The following CTCF variants were observed in gnomAD, a reference collection of about 807,000 sequenced individuals.
The protein encoded by CTCF is CCCTC-binding factor, also known as transcriptional repressor CTCF.
Under a neutral mutation model 72.3 loss-of-function variants are expected in CTCF, and 7 were observed. The observed-to-expected ratio is 0.10, with a 90% CI of 0.06 to 0.18. CTCF has a LOEUF of 0.18. CTCF is among the 10% of genes least tolerant of loss of function. CTCF has a pLI of 1.00. For synonymous variants in CTCF, 374 were observed against 315.8 expected, an observed-to-expected ratio of 1.18 and a Z score of -1.95; for missense variants, 516 against 949.1, an observed-to-expected ratio of 0.54 and a Z score of 6.00.
At chr16:67,617,275 G>C (rs937336490) in intron 5 of CTCF, among the ~76,000 whole-genome samples, 1 of 152,102 alleles carries the variant, frequency 6.6e-6, no homozygotes, top group East Asian at 1.9e-4. Flanking sequence ...TGAGGTGGGT[G>C]GATCACAAGG....
intron 2 of CTCF, among the ~76,000 whole-genome samples, chr16:67,598,193 G>T (rs747824027): frequency 6.6e-6 from 1 of 152,000 alleles, no homozygotes; most frequent in African/African-American, 2.4e-5. Context: ...CCCAGGCCTG[G>T]TCTCAGACTC....
intron 2 of CTCF, among the ~76,000 whole-genome samples, chr16:67,573,432 AAAATAAAT>A (rs760499078): frequency 6.6e-6 from 1 of 152,094 alleles, no homozygotes; most frequent in Admixed American, 6.6e-5. Context: ...ACCGTCTCAA[AAAATAAAT>A]AAATAAATAA....
intron 2 of CTCF, among the ~76,000 whole-genome samples, chr16:67,576,902 C>T (rs2051505357): frequency 6.6e-6 from 1 of 151,866 alleles, no homozygotes; most frequent in East Asian, 1.9e-4. Context: ...AAACAAAGTA[C>T]AAAGAAAGCA....
chr16:67,634,808 A>G (rs189207508), intron 10 of CTCF, among the ~76,000 whole-genome samples: 11 of 150,746 alleles, frequency 7.3e-5, no homozygotes, highest in African/African-American at 2.0e-4. Flanking sequence ...GGTTCAAGCA[A>G]TTCTTCTGCC....
At chr16:67,570,076 ATTTT>A (rs59964661) in intron 1 of CTCF, among the ~76,000 whole-genome samples, 1 of 138,146 alleles carries the variant, frequency 7.2e-6, no homozygotes, top group African/African-American at 2.7e-5. Context: ...ATAAGAATTA[ATTTT>A]TTTTTTTTTT....
chr16:67,624,133 A>ATGTATG (rs796826511), intron 7 of CTCF, among the ~76,000 whole-genome samples: 2 of 133,460 alleles, frequency 1.5e-5, no homozygotes, highest in African/African-American at 5.8e-5. Context: ...GTGTATATAT[A>ATGTATG]TGTGTGTGTG....
At chr16:67,631,177 T>TTTTTTTTTTTTTTTTTTTTTG (rs1567617482) in intron 10 of CTCF, among the ~76,000 whole-genome samples, 1 of 148,522 alleles carries the variant, frequency 6.7e-6, no homozygotes, top group African/African-American at 2.5e-5. Flanking sequence ...TTTTTGTTTT[T>TTTTTTTTTTTTTTTTTTTTTG]TTTTTGAGAC....
In CTCF at chr16:67,630,626, A is replaced by G. The variant is rs376513002; in HGVS notation, c.1837+1093A>G. Among the ~76,000 whole-genome samples, 117 of 152,246 alleles carry G rather than the reference A, an allele frequency of 7.7e-4. 2 individuals carry two copies. In the South Asian group the frequency reaches 0.023, roughly 30 times the overall value. Reference sequence around the variant, plus strand: ...AAAAATTAGCCAGGTGTGGTGGTACATGCCGATAGTCCCAGCTACTCGAGA... The same window carrying G: ...AAAAATTAGCCAGGTGTGGTGGTACGTGCCGATAGTCCCAGCTACTCGAGA... On this transcript the variant is annotated intron_variant, in intron 10 of 11. Transcript: ENST00000264010.
chr16:67,617,377 T>C (rs2052145411), intron 5 of CTCF, among the ~76,000 whole-genome samples: 1 of 152,138 alleles, frequency 6.6e-6, no homozygotes, highest in African/African-American at 2.4e-5. Flanking sequence ...CAGGCACCTA[T>C]AGTCCCAGCT....
rs574695050 is a variant in CTCF, at chr16:67,565,127, A to G, written c.-127+2403A>G. On this transcript the variant is annotated intron_variant, in intron 1 of 11. Coordinates refer to ENST00000264010, the MANE Select transcript of CTCF (RefSeq NM_006565.4). ...AGCAATTCTCCTGTCTCTGCCTCCCAAGTAGCAGGAATTACAGGCCCGTGC... is the reference window on the plus strand; with the variant it reads ...AGCAATTCTCCTGTCTCTGCCTCCCGAGTAGCAGGAATTACAGGCCCGTGC... Among the ~76,000 whole-genome samples the G allele has an allele frequency of 3.8e-3, 570 of 151,466 alleles. 3 individuals carry two copies. The highest frequency in any genetic ancestry group is 6.6e-3 in the Non-Finnish European group (451 of 67,860).
rs181544754 is a variant in CTCF, at chr16:67,612,879, A to C, written c.952+758A>C. Among the ~76,000 whole-genome samples, 6 of 152,248 alleles carry C rather than the reference A, an allele frequency of 3.9e-5. No individual in the cohort carries two copies. In the East Asian group the frequency reaches 9.7e-4, roughly 25 times the overall value. On this transcript the variant is annotated intron_variant, in intron 4 of 11. Coordinates refer to ENST00000264010, the MANE Select transcript of CTCF (RefSeq NM_006565.4). ...TTGAAACCTGGGAGGCAGACACTGC[A>C]ATGAGCTGAGATAGTGCTACTGCAC...
intron 5 of CTCF, among the ~76,000 whole-genome samples, chr16:67,617,324 C>G (rs575424044): frequency 2.0e-5 from 3 of 152,072 alleles, no homozygotes; most frequent in Admixed American, 2.0e-4. Flanking sequence ...ACGGTGAAAC[C>G]CTGTCTCTAC....
intron 2 of CTCF, among the ~76,000 whole-genome samples, chr16:67,610,003 C>T (rs751054922): frequency 6.6e-6 from 1 of 152,134 alleles, no homozygotes; most frequent in Admixed American, 6.6e-5. Flanking sequence ...CTTTCACCCA[C>T]GAGATAACAG....
At chr16:67,618,757 T>C (rs2052164953) in intron 5 of CTCF, among the ~76,000 whole-genome samples, 1 of 152,170 alleles carries the variant, frequency 6.6e-6, no homozygotes, top group Non-Finnish European at 1.5e-5. Flanking sequence ...TGGATTCTAA[T>C]AGCAATAAAA....
intron 2 of CTCF, among the ~76,000 whole-genome samples, chr16:67,608,050 CG>C (rs1284524610): frequency 7.1e-6 from 1 of 141,648 alleles, no homozygotes; most frequent in African/African-American, 2.7e-5. Context: ...ACCGGTTGGG[CG>C]CAGTGGCTCA....
intron 2 of CTCF, among the ~76,000 whole-genome samples, chr16:67,601,495 C>T (rs910410532): frequency 6.6e-6 from 1 of 151,814 alleles, no homozygotes; most frequent in Non-Finnish European, 1.5e-5. Context: ...CCTGCCACCA[C>T]GCCCAGCTAA....
intron 2 of CTCF, among the ~76,000 whole-genome samples, chr16:67,580,256 C>G (rs543244430): frequency 2.0e-5 from 3 of 152,290 alleles, no homozygotes; most frequent in Non-Finnish European, 4.4e-5. Context: ...GTTGCCCAGG[C>G]TAGAGTGCTG....
intron 2 of CTCF, among the ~76,000 whole-genome samples, chr16:67,608,166 T>C (rs968514576): frequency 6.6e-6 from 1 of 150,962 alleles, no homozygotes; most frequent in Non-Finnish European, 1.5e-5. Flanking sequence ...CTACTAAAAA[T>C]ACAAAAAATT....
intron 1 of CTCF, among the ~76,000 whole-genome samples, chr16:67,569,430 C>T (rs546237020): frequency 4.1e-5 from 6 of 146,870 alleles, no homozygotes; most frequent in South Asian, 2.2e-4. Flanking sequence ...GTGATCCGCC[C>T]GCTTTGGCCT....
Sources: allele counts gnomAD v4.1 joint callset (sites outside exome capture counted in the v4.1 genomes callset), GRCh38; gene constraint gnomAD v4.1.1; transcripts MANE v1.5; gene names NCBI Gene and HGNC (gene_info 2026-07-23, HGNC 2026-07-21).